Variants in ATP10B observed in about 807,000 individuals in gnomAD.
ATP10B encodes the protein phospholipid-transporting ATPase VB.
A neutral mutation model predicts 141.2 loss-of-function variants in ATP10B; 122 were observed. The ratio of observed to expected loss-of-function variants is 0.86; its 90% confidence interval spans 0.75 to 1.00. The LOEUF is 1.00. Among genes scored for constraint, ATP10B ranks in the 50% least tolerant of loss-of-function variants. The pLI is 0.00. For synonymous variants in ATP10B, 685 were observed against 692.0 expected (o/e 0.99, Z 0.16); for missense variants, 1,876 against 1,825.3 (o/e 1.03, Z -0.51).
chr5:160,856,983 CT>C (rs1561927817), upstream of ATP10B, among the ~76,000 whole-genome samples: 5 of 151,724 alleles, frequency 3.3e-5, no homozygotes, highest in African/African-American at 1.2e-4. Context: ...TTGTTAATAA[CT>C]TTTGCATTTA....
At chr5:160,794,719 G>A (rs2127916428) in intron 1 of ATP10B, among the ~76,000 whole-genome samples, 1 of 152,286 alleles carries the variant, frequency 6.6e-6, no homozygotes, top group South Asian at 2.1e-4. Flanking sequence ...TGTTTGGAAT[G>A]AAATGCCTTC....
intron 3 of ATP10B, among the ~76,000 whole-genome samples, chr5:160,715,704 A>ATTTATTTG (rs1487625742): frequency 3.3e-5 from 5 of 149,874 alleles, no homozygotes; most frequent in African/African-American, 1.2e-4. Flanking sequence ...TTATTTATTT[A>ATTTATTTG]TTTATTTATT....
chr5:160,724,717 T>C (rs577333328), intron 2 of ATP10B, among the ~76,000 whole-genome samples: 1 of 152,148 alleles, frequency 6.6e-6, no homozygotes, highest in African/African-American at 2.4e-5. Flanking sequence ...CCTCAAAGAC[T>C]TCAAACCTGT....
At chr5:160,661,747 A>T (rs980162156) in intron 7 of ATP10B, among the ~76,000 whole-genome samples, 6 of 152,212 alleles carry the variant, frequency 3.9e-5, no homozygotes, top group African/African-American at 1.2e-4. Context: ...CAAGACAGGG[A>T]TGCCCTCTCT....
At chr5:160,837,991 GCAATCTCTTACT>G (rs1337535559) in intron 1 of ATP10B, among the ~76,000 whole-genome samples, 1 of 152,118 alleles carries the variant, frequency 6.6e-6, no homozygotes, top group Non-Finnish European at 1.5e-5. Context: ...TTAGGATTAG[GCAATCTCTTACT>G]CATAAACTTT....
chr5:160,860,085 C>A, the ATP10B span, among the ~76,000 whole-genome samples: 1 of 151,796 alleles, frequency 6.6e-6, no homozygotes, highest in African/African-American at 2.4e-5. Flanking sequence ...AAGATAATCT[C>A]TTTTTGGGGC....
At chr5:160,622,046 G>T (rs1160672941) in intron 14 of ATP10B, among the ~76,000 whole-genome samples, 1 of 152,146 alleles carries the variant, frequency 6.6e-6, no homozygotes, top group East Asian at 1.9e-4. Context: ...AGAGTTGCTG[G>T]GTTGAGAGGA....
chr5:160,888,090 G>C, the ATP10B span, among the ~76,000 whole-genome samples: 10 of 152,234 alleles, frequency 6.6e-5, no homozygotes, highest in African/African-American at 2.2e-4. Context: ...CATTTGGTCT[G>C]TGGCTCTTGC....
chr5:160,731,212 G>A (rs562888181), intron 2 of ATP10B, among the ~76,000 whole-genome samples: 2 of 152,272 alleles, frequency 1.3e-5, no homozygotes, highest in South Asian at 2.1e-4. Context: ...AGTCAGCCTT[G>A]TTTGCCGTTT....
chr5:160,591,172 C>A, intron 22 of ATP10B, 33 bp from the exon 23 acceptor site: 1 of 1,578,186 alleles, frequency 6.3e-7, no homozygotes, highest in Non-Finnish European at 8.6e-7. Context: ...TAATTATCAC[C>A]CTTATAGCAA....
At chr5:160,826,073 G>A (rs1250693194) in intron 1 of ATP10B, among the ~76,000 whole-genome samples, 2 of 152,124 alleles carry the variant, frequency 1.3e-5, no homozygotes, top group African/African-American at 4.8e-5. Context: ...GGGCACCTAG[G>A]TTGGTTCCAT....
intron 2 of ATP10B, among the ~76,000 whole-genome samples, chr5:160,726,239 G>A (rs1029563359): frequency 6.6e-6 from 1 of 152,204 alleles, no homozygotes; most frequent in East Asian, 1.9e-4. Context: ...CCAGGGATAA[G>A]TGCGGGGTTT....
chr5:160,792,634 A>C (rs1384883340), intron 1 of ATP10B, among the ~76,000 whole-genome samples: 2 of 152,162 alleles, frequency 1.3e-5, no homozygotes, highest in Admixed American at 1.3e-4. Flanking sequence ...GGCAGAGCCA[A>C]CCAGCCAGCT....
chr5:160,880,692 A>T, the ATP10B span, among the ~76,000 whole-genome samples: 1 of 152,230 alleles, frequency 6.6e-6, no homozygotes, highest in Non-Finnish European at 1.5e-5. Flanking sequence ...ATACAATGGA[A>T]CAAAGACTGT....
chr5:160,676,437 C>T (rs189670753), intron 6 of ATP10B, among the ~76,000 whole-genome samples: 13 of 152,194 alleles, frequency 8.5e-5, no homozygotes, highest in South Asian at 6.2e-4. Context: ...CTGGACATGA[C>T]GGTGCACATC....
chr5:160,836,448 T>C (rs187303487), intron 1 of ATP10B, among the ~76,000 whole-genome samples: 24 of 152,268 alleles, frequency 1.6e-4, no homozygotes, highest in Admixed American at 2.0e-4. Context: ...GAGGACTAAA[T>C]GAGATAAAGT....
At chr5:160,696,283 G>T (rs1369268603) in intron 3 of ATP10B, among the ~76,000 whole-genome samples, 1 of 151,730 alleles carries the variant, frequency 6.6e-6, no homozygotes, top group East Asian at 1.9e-4. Flanking sequence ...AATTTTTTGT[G>T]TTTTTTTGTA....
rs147437606 is a variant in ATP10B at position 160,650,118 on chromosome 5, T to TTATA, written c.676-866_676-863dup. ...AGACTCTGTCTCAAAAAAAAAAATTTTATATATATATATATACACACACAC... is the reference window on the plus strand; with the variant it reads ...AGACTCTGTCTCAAAAAAAAAAATTTTATATATATATATATATATACACACACAC... On this transcript the variant is annotated intron_variant, in intron 7 of 25. Coordinates refer to ENST00000327245, the MANE Select transcript of ATP10B (RefSeq NM_025153.3). Among the ~76,000 whole-genome samples, 176 of 146,050 alleles carry TTATA rather than the reference T, an allele frequency of 1.2e-3. No individual in the cohort carries two copies. In the East Asian group the frequency reaches 0.017, roughly 14 times the overall value.
chr5:160,906,285 G>A, the ATP10B span, among the ~76,000 whole-genome samples: 8 of 151,974 alleles, frequency 5.3e-5, no homozygotes, highest in African/African-American at 1.9e-4. Flanking sequence ...TATAGCGGGA[G>A]CTTCAAGTAC....
Sources: allele counts gnomAD v4.1 joint callset (sites outside exome capture counted in the v4.1 genomes callset), GRCh38; gene constraint gnomAD v4.1.1; transcripts MANE v1.5; gene names NCBI Gene and HGNC (gene_info 2026-07-23, HGNC 2026-07-21).